HS3ST4: variants seen among roughly 807,000 people sequenced by gnomAD.
The protein encoded by HS3ST4 is heparan sulfate glucosamine 3-O-sulfotransferase 4.
A neutral mutation model predicts 29.2 loss-of-function variants in HS3ST4; 17 were observed. That is an observed-to-expected ratio of 0.58 (90% confidence interval 0.40 to 0.87). The LOEUF (loss-of-function observed/expected upper bound fraction) is 0.87, where lower values mean the gene tolerates loss of function less well. Ranked by LOEUF, HS3ST4 falls within the 40% of genes least tolerant of loss-of-function variation. HS3ST4 has a pLI of 0.00. For missense variants in HS3ST4, 627 were observed against 634.5 expected (o/e 0.99, Z 0.13); for synonymous variants, 314 against 285.7 (o/e 1.10, Z -1.00).
intron 1 of HS3ST4, among the ~76,000 whole-genome samples, chr16:25,991,026 A>G (rs1378226633): frequency 6.6e-6 from 1 of 152,020 alleles, no homozygotes; most frequent in Admixed American, 6.5e-5. Flanking sequence ...TGGAGAATAC[A>G]GAAACCCAGA....
At chr16:25,797,577 G>A (rs577231571) in intron 1 of HS3ST4, among the ~76,000 whole-genome samples, 2 of 152,206 alleles carry the variant, frequency 1.3e-5, no homozygotes, top group South Asian at 4.1e-4. Flanking sequence ...TGCTATTGTT[G>A]TTATTAATAC....
rs544642373 is a variant in HS3ST4, at chr16:25,811,989, A to G, written c.734+118838A>G. On this transcript the variant is annotated intron_variant, in intron 1 of 1. Transcript: ENST00000331351. ...CTGCATCCAAGTTACTGCAAAGGAC[A>G]TGATTTTGTTCTTTTTTTAGTGCTG... Among the ~76,000 whole-genome samples the G allele has an allele frequency of 2.6e-5, 4 of 152,236 alleles. No homozygotes were observed. In the East Asian group the frequency reaches 7.7e-4, roughly 29 times the overall value.
chr16:25,807,901 C>T (rs137975357), intron 1 of HS3ST4, among the ~76,000 whole-genome samples: 4 of 152,152 alleles, frequency 2.6e-5, no homozygotes, highest in African/African-American at 9.6e-5. Context: ...ATGGCTAATG[C>T]GGTTGAACAT....
At chr16:26,105,422 T>C (rs11867006) in intron 1 of HS3ST4, among the ~76,000 whole-genome samples, 4,946 of 152,278 alleles carry the variant, frequency 0.032, 260 homozygotes, top group African/African-American at 0.11. Flanking sequence ...GATTGGTTTA[T>C]TCATACTCCA....
intron 1 of HS3ST4, among the ~76,000 whole-genome samples, chr16:25,879,242 T>C (rs1486319181): frequency 1.3e-5 from 2 of 152,216 alleles, no homozygotes; most frequent in African/African-American, 4.8e-5. Flanking sequence ...TCACCTTTAC[T>C]GAGCAATTGC....
At chr16:25,696,946 G>T (rs923930388) in intron 1 of HS3ST4, among the ~76,000 whole-genome samples, 1 of 152,104 alleles carries the variant, frequency 6.6e-6, no homozygotes, top group Non-Finnish European at 1.5e-5. Context: ...CACTTTACAC[G>T]TGGCTCCGAG....
intron 1 of HS3ST4, among the ~76,000 whole-genome samples, chr16:26,041,187 A>T (rs923618722): frequency 6.6e-6 from 1 of 152,066 alleles, no homozygotes; most frequent in African/African-American, 2.4e-5. Flanking sequence ...AAGCATTTTT[A>T]AAAAATCACC....
chr16:25,703,471 T>G (rs909390582), intron 1 of HS3ST4, among the ~76,000 whole-genome samples: 11 of 152,222 alleles, frequency 7.2e-5, no homozygotes, highest in African/African-American at 2.4e-4. Context: ...TGAGGCACAG[T>G]GCTGGTAAGT....
At chr16:25,695,907 C>T (rs958261155) in intron 1 of HS3ST4, among the ~76,000 whole-genome samples, 1 of 152,114 alleles carries the variant, frequency 6.6e-6, no homozygotes, top group Non-Finnish European at 1.5e-5. Flanking sequence ...AGAGGGAGAG[C>T]CAAGAAGAAA....
intron 1 of HS3ST4, among the ~76,000 whole-genome samples, chr16:26,071,583 A>T (rs1165352571): frequency 6.6e-6 from 1 of 152,182 alleles, no homozygotes; most frequent in African/African-American, 2.4e-5. Context: ...GCTTTTACTA[A>T]TAAAAATGTG....
intron 1 of HS3ST4, among the ~76,000 whole-genome samples, chr16:25,854,295 A>G (rs1287151437): frequency 1.3e-5 from 2 of 152,084 alleles, no homozygotes; most frequent in African/African-American, 4.8e-5. Context: ...TTTCCTTTTT[A>G]GACCATATAG....
intron 1 of HS3ST4, among the ~76,000 whole-genome samples, chr16:25,797,272 A>C (rs907967099): frequency 5.3e-5 from 8 of 152,200 alleles, no homozygotes; most frequent in African/African-American, 1.9e-4. Context: ...ATTTCTATGT[A>C]TTTATATCCT....
At chr16:26,090,735 G>A (rs992787704) in intron 1 of HS3ST4, among the ~76,000 whole-genome samples, 3 of 152,142 alleles carry the variant, frequency 2.0e-5, no homozygotes, top group African/African-American at 7.2e-5. Context: ...GAGCCTCCAA[G>A]CCACAACAAA....
chr16:25,883,145 ATTTTTT>A (rs10581302), intron 1 of HS3ST4, among the ~76,000 whole-genome samples: 11,306 of 141,974 alleles, frequency 0.08, 534 homozygotes, highest in Non-Finnish European at 0.092. Context: ...GGCCCATACG[ATTTTTT>A]TTTTTTTTTT....
chr16:25,997,904 C>G (rs1969171058), intron 1 of HS3ST4, among the ~76,000 whole-genome samples: 1 of 152,092 alleles, frequency 6.6e-6, no homozygotes. Flanking sequence ...TCTTCATTAT[C>G]CTAGTCTTCC....
At chr16:26,096,355 G>A (rs529940698) in intron 1 of HS3ST4, among the ~76,000 whole-genome samples, 6 of 152,186 alleles carry the variant, frequency 3.9e-5, no homozygotes, top group Admixed American at 6.5e-5. Flanking sequence ...ATAAAATACT[G>A]GCAAACCGAA....
intron 1 of HS3ST4, among the ~76,000 whole-genome samples, chr16:25,696,495 T>G (rs1596546241): frequency 2.7e-5 from 3 of 111,656 alleles, no homozygotes; most frequent in Admixed American, 1.0e-4. Context: ...GTCCATGGTT[T>G]GTTTGTTTTT....
At chr16:25,865,308 A>G (rs1967682916) in intron 1 of HS3ST4, among the ~76,000 whole-genome samples, 1 of 152,152 alleles carries the variant, frequency 6.6e-6, no homozygotes, top group African/African-American at 2.4e-5. Context: ...CCTCACCAAC[A>G]CTTGATATAT....
intron 1 of HS3ST4, among the ~76,000 whole-genome samples, chr16:26,112,045 C>T (rs1256304059): frequency 6.6e-6 from 1 of 151,820 alleles, no homozygotes; most frequent in Admixed American, 6.6e-5. Context: ...CTTTTGAGCC[C>T]TGCCACAATT....
Sources: gnomAD v4.1 joint callset for allele counts (sites outside exome capture counted in the v4.1 genomes callset) on GRCh38, gnomAD v4.1.1 for gene constraint, MANE v1.5 for transcripts, NCBI Gene and HGNC (gene_info 2026-07-23, HGNC 2026-07-21) for gene names.